The following RASSF3 variants were observed in gnomAD, a reference collection of about 807,000 sequenced individuals.
The protein encoded by RASSF3 is Ras association domain family member 3, also known as ras association domain-containing protein 3.
RASSF3 carries 19 observed loss-of-function variants against 19.9 expected under a neutral mutation model. The observed-to-expected ratio is 0.96, with a 90% confidence interval of 0.67 to 1.40. The LOEUF is 1.40. Ranked by LOEUF, RASSF3 falls within the 40% of genes most tolerant of loss-of-function variation. RASSF3 has a pLI of 0.00. For synonymous variants in RASSF3, 110 were observed against 104.2 expected, an observed-to-expected ratio of 1.06 and a Z score of -0.34; for missense variants, 306 against 289.8, an observed-to-expected ratio of 1.06 and a Z score of -0.41.
At chr12:64,692,826 C>A (rs970007108) in intron 4 of RASSF3, among the ~76,000 whole-genome samples, 1 of 152,204 alleles carries the variant, frequency 6.6e-6, no homozygotes, top group African/African-American at 2.4e-5. Flanking sequence ...ATCCTCCCAC[C>A]TCAGCCTCCC....
At chr12:64,526,726 C>T (rs943314092) in intron 1 of RASSF3, among the ~76,000 whole-genome samples, 10 of 151,962 alleles carry the variant, frequency 6.6e-5, no homozygotes, top group African/African-American at 1.9e-4. Context: ...TAAAACTTTT[C>T]GTAGAGACAG....
At chr12:64,555,145 G>C (rs994936960) in intron 2 of RASSF3, among the ~76,000 whole-genome samples, 2 of 152,048 alleles carry the variant, frequency 1.3e-5, no homozygotes, top group East Asian at 3.9e-4. Flanking sequence ...TCGGGAGGCT[G>C]AGGTGGGGGA....
rs1443888679 is a variant in RASSF3 at position 64,520,857 on chromosome 12, C to A, written c.169+13528C>A. ...ATAGATGGACTTTAAACATCTAGGA[C>A]CCCAAAGGAGCTAGAGATGACCTTT... On this transcript the variant is annotated intron_variant, in intron 1 of 5. Transcript: ENST00000637125. Among the ~76,000 whole-genome samples, 3 of 152,018 alleles carry A rather than the reference C, an allele frequency of 2.0e-5. No homozygotes were observed. In the East Asian group the frequency reaches 5.8e-4, roughly 29 times the overall value.
intron 1 of RASSF3, among the ~76,000 whole-genome samples, chr12:64,612,020 G>C (rs1870384782): frequency 6.6e-6 from 1 of 152,052 alleles, no homozygotes; most frequent in African/African-American, 2.4e-5. Flanking sequence ...TGTTTCTAAG[G>C]CTTAAGGCCC....
intron 1 of RASSF3, among the ~76,000 whole-genome samples, chr12:64,521,237 C>T (rs2136104144): frequency 6.6e-6 from 1 of 152,300 alleles, no homozygotes; most frequent in East Asian, 1.9e-4. Context: ...AGTTGTGCCC[C>T]TGTAGCAGGT....
At chr12:64,516,159 T>C (rs894916198) in intron 1 of RASSF3, among the ~76,000 whole-genome samples, 5 of 152,218 alleles carry the variant, frequency 3.3e-5, no homozygotes, top group Admixed American at 3.3e-4. Context: ...ACATGATTTT[T>C]ATACATCCTA....
intron 1 of RASSF3, among the ~76,000 whole-genome samples, chr12:64,661,286 C>A (rs893624565): frequency 7.2e-5 from 11 of 152,158 alleles, no homozygotes; most frequent in African/African-American, 2.7e-4. Context: ...GCGGGAGGAT[C>A]ACTTGAGCCC....
intron 1 of RASSF3, among the ~76,000 whole-genome samples, chr12:64,633,258 C>A (rs887983805): frequency 6.6e-6 from 1 of 152,134 alleles, no homozygotes; most frequent in African/African-American, 2.4e-5. Flanking sequence ...GATACTGATA[C>A]GGTTTGGATG....
chr12:64,581,095 T>C (rs943025685), intron 2 of RASSF3, among the ~76,000 whole-genome samples: 2 of 150,788 alleles, frequency 1.3e-5, no homozygotes, highest in African/African-American at 5.0e-5. Flanking sequence ...AAAAATGTGT[T>C]TAACATTACT....
chr12:64,680,552 C>T (rs1873084646), intron 1 of RASSF3, among the ~76,000 whole-genome samples: 1 of 152,074 alleles, frequency 6.6e-6, no homozygotes, highest in South Asian at 2.1e-4. Context: ...AAAAGTACAG[C>T]ATCAGGGCCC....
chr12:64,549,547 C>A (rs1869121585), intron 2 of RASSF3, among the ~76,000 whole-genome samples: 1 of 152,118 alleles, frequency 6.6e-6, no homozygotes, highest in South Asian at 2.1e-4. Flanking sequence ...GCTAATTTCA[C>A]ACAGTTCAAT....
chr12:64,658,992 C>T (rs1189257930), intron 1 of RASSF3, among the ~76,000 whole-genome samples: 1 of 152,084 alleles, frequency 6.6e-6, no homozygotes. Context: ...ATATCTTGAG[C>T]CCAAGAGTTT....
intron 1 of RASSF3, among the ~76,000 whole-genome samples, chr12:64,636,765 G>T (rs558471456): frequency 6.6e-6 from 1 of 151,736 alleles, no homozygotes; most frequent in South Asian, 2.1e-4. Context: ...ACTTGGGAGG[G>T]TGAGGCAGGA....
chr12:64,547,894 G>A (rs1032121718), intron 2 of RASSF3, among the ~76,000 whole-genome samples: 1 of 152,080 alleles, frequency 6.6e-6, no homozygotes, highest in African/African-American at 2.4e-5. Context: ...CGTTAAAATT[G>A]CCTATAATCC....
At chr12:64,550,639 A>T (rs1869142487) in intron 2 of RASSF3, among the ~76,000 whole-genome samples, 1 of 151,838 alleles carries the variant, frequency 6.6e-6, no homozygotes, top group Non-Finnish European at 1.5e-5. Flanking sequence ...TGGACAACAG[A>T]GCAAGACTCC....
chr12:64,551,593 AG>A (rs1869164798), intron 2 of RASSF3, among the ~76,000 whole-genome samples: 1 of 152,186 alleles, frequency 6.6e-6, no homozygotes, highest in Non-Finnish European at 1.5e-5. Context: ...ATATGCATGT[AG>A]TAAATGTAAT....
At chr12:64,586,828 C>CA (rs1418732860) in intron 2 of RASSF3, among the ~76,000 whole-genome samples, 1 of 151,598 alleles carries the variant, frequency 6.6e-6, no homozygotes, top group East Asian at 2.0e-4. Context: ...GAGGCTGAGG[C>CA]AGGAGAATCG....
intron 2 of RASSF3, among the ~76,000 whole-genome samples, chr12:64,582,507 G>C (rs1208834311): frequency 6.6e-6 from 1 of 152,170 alleles, no homozygotes; most frequent in Non-Finnish European, 1.5e-5. Context: ...TTAGGTAACT[G>C]AATCTTTTTC....
chr12:64,575,253 A>G (rs935729410), intron 2 of RASSF3, among the ~76,000 whole-genome samples: 1 of 152,212 alleles, frequency 6.6e-6, no homozygotes, highest in Non-Finnish European at 1.5e-5. Context: ...GTAAACTGAA[A>G]TGTTTAAATA....
Sources: gnomAD v4.1 joint callset for allele counts (sites outside exome capture counted in the v4.1 genomes callset) on GRCh38, gnomAD v4.1.1 for gene constraint, MANE v1.5 for transcripts, NCBI Gene and HGNC (gene_info 2026-07-23, HGNC 2026-07-21) for gene names.